The following SWT1 variants were observed in gnomAD, a reference collection of about 807,000 sequenced individuals.
The protein encoded by SWT1 is SWT1 RNA endoribonuclease homolog, also known as transcriptional protein SWT1.
In SWT1, 33 loss-of-function variants were observed where a neutral mutation model predicts 107.3. The ratio of observed to expected loss-of-function variants is 0.31; its 90% confidence interval spans 0.23 to 0.41. The LOEUF (loss-of-function observed/expected upper bound fraction) is 0.41, where lower values mean the gene tolerates loss of function less well. Ranked by LOEUF, SWT1 falls within the 10% of genes least tolerant of loss-of-function variation. The probability of loss-of-function intolerance (pLI) is 1.00; values close to 1 mark genes in which losing one functional copy is unlikely to be tolerated. For synonymous variants in SWT1, 345 were observed against 348.3 expected, an observed-to-expected ratio of 0.99 and a Z score of 0.11; for missense variants, 898 against 1,028.9, an observed-to-expected ratio of 0.87 and a Z score of 1.74.
intron 15 of SWT1, among the ~76,000 whole-genome samples, chr1:185,222,762 CAAAAA>C (rs59515070): frequency 5.5e-5 from 2 of 36,096 alleles, no homozygotes; most frequent in Admixed American, 2.7e-4. Context: ...GACGCCATCT[CAAAAA>C]AAAAAAAAAA....
intron 4 of SWT1, among the ~76,000 whole-genome samples, chr1:185,172,857 A>G (rs1278518840): frequency 1.3e-5 from 2 of 152,022 alleles, no homozygotes; most frequent in Non-Finnish European, 2.9e-5. Context: ...CATCCTGGCC[A>G]ACATGATGAA....
intron 16 of SWT1, among the ~76,000 whole-genome samples, chr1:185,250,073 C>A (rs535653406): frequency 6.6e-6 from 1 of 152,264 alleles, no homozygotes; most frequent in South Asian, 2.1e-4. Flanking sequence ...TGAGATAAAC[C>A]ACCCTCTCAC....
At chr1:185,226,241 A>G (rs932271309) in intron 15 of SWT1, among the ~76,000 whole-genome samples, 3 of 152,228 alleles carry the variant, frequency 2.0e-5, no homozygotes, top group Non-Finnish European at 4.4e-5. Context: ...TACTCTATGT[A>G]ATAGCATTTC....
chr1:185,186,739 T>C (rs751276698), intron 9 of SWT1, among the ~76,000 whole-genome samples: 1 of 152,072 alleles, frequency 6.6e-6, no homozygotes, highest in African/African-American at 2.4e-5. Context: ...ATTTTCTGTA[T>C]TTTCCAGATT....
chr1:185,224,355 T>C (rs925372405), intron 15 of SWT1, among the ~76,000 whole-genome samples: 1 of 152,166 alleles, frequency 6.6e-6, no homozygotes, highest in Non-Finnish European at 1.5e-5. Flanking sequence ...GTGGTATATT[T>C]TGTTGTTTGT....
intron 16 of SWT1, among the ~76,000 whole-genome samples, chr1:185,257,063 G>T (rs1285369944): frequency 1.3e-5 from 2 of 152,058 alleles, no homozygotes; most frequent in Non-Finnish European, 2.9e-5. Flanking sequence ...GTGTGCCCCT[G>T]CTGGGGGGTG....
chr1:185,190,255 G>A (rs930293288), intron 9 of SWT1, among the ~76,000 whole-genome samples: 1 of 152,170 alleles, frequency 6.6e-6, no homozygotes, highest in African/African-American at 2.4e-5. Flanking sequence ...CACAAGCATA[G>A]CTTCCCCATT....
chr1:185,189,560 G>C (rs892261438), intron 9 of SWT1, among the ~76,000 whole-genome samples: 1 of 152,086 alleles, frequency 6.6e-6, no homozygotes, highest in East Asian at 1.9e-4. Context: ...CTTATAATCT[G>C]TAAGTGACTG....
chr1:185,269,719 C>T (rs1237229971), intron 16 of SWT1, among the ~76,000 whole-genome samples: 1 of 152,162 alleles, frequency 6.6e-6, no homozygotes, highest in East Asian at 1.9e-4. Flanking sequence ...CTTGATTTCT[C>T]ATTAGTTAAT....
chr1:185,164,336 A>G (rs540579149), intron 2 of SWT1, among the ~76,000 whole-genome samples: 2 of 152,304 alleles, frequency 1.3e-5, no homozygotes, highest in East Asian at 1.9e-4. Flanking sequence ...GATTTTCTGA[A>G]TGATAAGTAA....
intron 5 of SWT1, among the ~76,000 whole-genome samples, chr1:185,179,222 TC>T (rs1179763905): frequency 6.6e-6 from 1 of 152,010 alleles, no homozygotes; most frequent in Non-Finnish European, 1.5e-5. Flanking sequence ...TGACCTGAGA[TC>T]ATGCCACTAC....
At chr1:185,278,124 A>G (rs550905098) in intron 18 of SWT1, among the ~76,000 whole-genome samples, 2 of 152,250 alleles carry the variant, frequency 1.3e-5, no homozygotes, top group Admixed American at 6.5e-5. Context: ...CACCATGCCC[A>G]GCCGCAAATC....
intron 18 of SWT1, among the ~76,000 whole-genome samples, chr1:185,285,448 C>T (rs1664892023): frequency 6.6e-6 from 1 of 152,160 alleles, no homozygotes; most frequent in Non-Finnish European, 1.5e-5. Flanking sequence ...ATATTAGACC[C>T]TTATCAGATA....
intron 15 of SWT1, chr1:185,227,474 A>C (rs1235513788): frequency 1.4e-5 from 8 of 583,806 alleles, no homozygotes; most frequent in Non-Finnish European, 1.9e-5. Context: ...TATGCTGTGC[A>C]GACTATCATA....
At chr1:185,182,520 C>G (rs1312902115) in intron 7 of SWT1, among the ~76,000 whole-genome samples, 3 of 151,716 alleles carry the variant, frequency 2.0e-5, no homozygotes, top group African/African-American at 7.3e-5. Flanking sequence ...ATAAAGTTAG[C>G]TAGGTGTGAT....
At chr1:185,260,214 G>C (rs888230374) in intron 16 of SWT1, among the ~76,000 whole-genome samples, 9 of 152,120 alleles carry the variant, frequency 5.9e-5, no homozygotes, top group African/African-American at 2.2e-4. Flanking sequence ...TAAAAACCAG[G>C]AAGGAGTCTA....
At chr1:185,166,456 C>G in intron 2 of SWT1, 116 bp from the exon 3 acceptor site, 1 of 637,558 alleles carries the variant, frequency 1.6e-6, no homozygotes. Context: ...TGTTCCCCAC[C>G]GAAGTTCATT....
intron 4 of SWT1, chr1:185,171,618 C>T (rs538588707): frequency 6.9e-5 from 36 of 518,920 alleles, no homozygotes; most frequent in South Asian, 5.3e-4. Flanking sequence ...CATGATCCGT[C>T]TTCTATGGGG....
intron 18 of SWT1, among the ~76,000 whole-genome samples, chr1:185,277,248 CTTT>C (rs1274656058): frequency 1.3e-5 from 2 of 151,702 alleles, no homozygotes; most frequent in Non-Finnish European, 2.9e-5. Flanking sequence ...ACATCTTAGT[CTTT>C]ATTTATTTAT....
Sources: allele counts gnomAD v4.1 joint callset (sites outside exome capture counted in the v4.1 genomes callset), GRCh38; gene constraint gnomAD v4.1.1; transcripts MANE v1.5; gene names NCBI Gene and HGNC (gene_info 2026-07-23, HGNC 2026-07-21).